Variants in ADAM22 observed in about 807,000 individuals in gnomAD.
ADAM22 encodes ADAM metallopeptidase domain 22.
Under a neutral mutation model 144.6 loss-of-function variants are expected in ADAM22, and 65 were observed. That is an observed-to-expected ratio of 0.45 (90% CI 0.37 to 0.55). ADAM22 has a LOEUF of 0.55. Among genes scored for constraint, ADAM22 ranks in the 20% least tolerant of loss-of-function variants. ADAM22 has a pLI of 0.00. For missense variants in ADAM22, 974 were observed against 1,184.9 expected, an observed-to-expected ratio of 0.82 and a Z score of 2.61; for synonymous variants, 391 against 412.6, an observed-to-expected ratio of 0.95 and a Z score of 0.63.
rs773442914 is a variant in ADAM22, at chr7:88,125,647, G to C, written c.666G>C (p.Arg222Ser). The C allele has an allele frequency of 1.1e-5, 17 of 1,591,902 alleles. No homozygotes were observed. Among genetic ancestry groups the C allele is most frequent in the Non-Finnish European group, 1.5e-5 (17 of 1,170,930 alleles). ...SKFILKPRPK[R>S]SKRQLRRYPR... ...TTATTTTGAAGCCAAGACCAAAAAG[G>C]AGTAAACGGCAGGTATGTATTCACA... Residue 222 changes from arginine (R) to serine (S), a missense_variant, in exon 8 of 32, where the codon AGG becomes AGC. Arg to Ser is a moderately radical substitution (Grantham distance 110). Around this residue, in one of 2 missense-constraint regions of ADAM22, gnomAD observed 734 missense variants for 950.6 expected, o/e 0.77. Coordinates refer to ENST00000413139, the MANE Select transcript of ADAM22 (RefSeq NM_001324418.2).
intron 4 of ADAM22, among the ~76,000 whole-genome samples, chr7:88,078,034 C>T (rs1815181386): frequency 6.6e-6 from 1 of 152,218 alleles, no homozygotes; most frequent in East Asian, 1.9e-4. Flanking sequence ...TGAGAACGGG[C>T]AGAATGCCTC....
intron 4 of ADAM22, among the ~76,000 whole-genome samples, chr7:88,088,510 G>A (rs1477575892): frequency 2.0e-4 from 29 of 146,308 alleles, no homozygotes; most frequent in South Asian, 2.2e-4. Flanking sequence ...TCAATGACAG[G>A]AAAAAAAAAA....
intron 2 of ADAM22, among the ~76,000 whole-genome samples, chr7:87,972,791 T>C (rs1377465111): frequency 6.6e-6 from 1 of 152,118 alleles, no homozygotes; most frequent in East Asian, 1.9e-4. Flanking sequence ...TAACACCGCA[T>C]ATCTACAACT....
chr7:87,956,543 A>G (rs1290914456), intron 2 of ADAM22, among the ~76,000 whole-genome samples: 2 of 152,180 alleles, frequency 1.3e-5, no homozygotes, highest in Non-Finnish European at 1.5e-5. Context: ...AGCGATCACC[A>G]CTGTCAATTT....
At position 88,162,998 on chromosome 7, in the gene ADAM22, C is replaced by A. The variant is rs1167024446; in HGVS notation, c.1908-14C>A. On this transcript the variant is annotated splice_polypyrimidine_tract_variant and intron_variant, in intron 22 of 31. Coordinates refer to ENST00000413139, the MANE Select transcript of ADAM22 (RefSeq NM_001324418.2). ...AATTAATAGATTCATTTTTTGCTCT[C>A]AATTTGTTTTTAGTGGTGGGCATGT... The A allele has an allele frequency of 1.3e-6, 2 of 1,598,666 alleles. No homozygotes were observed. The highest frequency in any genetic ancestry group is 1.7e-6 in the Non-Finnish European group (2 of 1,175,170).
chr7:88,091,979 T>A (rs1318801307), intron 4 of ADAM22, among the ~76,000 whole-genome samples: 2 of 151,884 alleles, frequency 1.3e-5, no homozygotes, highest in African/African-American at 2.4e-5. Context: ...AAAAACTATT[T>A]CATTTTGGAG....
chr7:87,988,869 C>T (rs919220557), intron 3 of ADAM22, among the ~76,000 whole-genome samples: 1 of 152,248 alleles, frequency 6.6e-6, no homozygotes, highest in Admixed American at 6.5e-5. Flanking sequence ...GGCAACTTCC[C>T]TTTAGTCTTA....
At chr7:88,116,959 G>T in intron 7 of ADAM22, 145 bp downstream of exon 7, 1 of 588,028 alleles carries the variant, frequency 1.7e-6, no homozygotes. Context: ...ACGTCAAGAG[G>T]GAGAATAAAA....
At chr7:88,042,501 T>G (rs1224267868) in intron 3 of ADAM22, among the ~76,000 whole-genome samples, 1 of 152,100 alleles carries the variant, frequency 6.6e-6, no homozygotes, top group African/African-American at 2.4e-5. Context: ...ATCTTTTGTA[T>G]ATTTATTCAT....
chr7:88,074,541 G>C (rs1813696097), intron 3 of ADAM22, among the ~76,000 whole-genome samples: 1 of 152,172 alleles, frequency 6.6e-6, no homozygotes, highest in Admixed American at 6.5e-5. Context: ...TAAATGTCCT[G>C]ATTGTTTAAT....
At chr7:87,974,905 C>T (rs1409751781) in intron 2 of ADAM22, among the ~76,000 whole-genome samples, 1 of 152,144 alleles carries the variant, frequency 6.6e-6, no homozygotes, top group Non-Finnish European at 1.5e-5. Flanking sequence ...CTGATCTCTA[C>T]TTCCACCATC....
chr7:88,188,866 T>C (rs1008169135), intron 30 of ADAM22, among the ~76,000 whole-genome samples: 9 of 152,204 alleles, frequency 5.9e-5, no homozygotes, highest in African/African-American at 2.2e-4. Context: ...GGTCACCTTA[T>C]TGTTTTTTGT....
At chr7:88,085,435 G>A (rs1818189033) in intron 4 of ADAM22, among the ~76,000 whole-genome samples, 1 of 152,132 alleles carries the variant, frequency 6.6e-6, no homozygotes, top group Admixed American at 6.5e-5. Flanking sequence ...TTTTAAAAAA[G>A]AGCTGGATGC....
rs762496835 is a variant in ADAM22 at position 87,934,547 on chromosome 7, G to A, written c.82G>A (p.Ala28Thr). The A allele has an allele frequency of 1.1e-5, 17 of 1,607,104 alleles. No individual in the cohort carries two copies. Among genetic ancestry groups the A allele is most frequent in the Non-Finnish European group, 1.4e-5 (17 of 1,179,274 alleles). ...CTGCCCTCCGGCGCGCTGCGGCCAG[G>A]CAGGTAAGTTAGCCGTCCTCTGTGC... ...GTCPPARCGQ[A>T]GDASLMELEK... Residue 28 changes from alanine to threonine, a missense_variant, in exon 1 of 32, where the codon GCA becomes ACA. Physicochemically the swap from Ala to Thr is moderately conservative, Grantham distance 58. Transcript: ENST00000413139.
intron 3 of ADAM22, among the ~76,000 whole-genome samples, chr7:88,008,124 A>T (rs1356422037): frequency 6.6e-6 from 1 of 152,088 alleles, no homozygotes; most frequent in Non-Finnish European, 1.5e-5. Flanking sequence ...GAAGACATTT[A>T]TGCAGCCAAA....
chr7:88,025,593 A>T (rs1798832195), intron 3 of ADAM22, among the ~76,000 whole-genome samples: 1 of 152,178 alleles, frequency 6.6e-6, no homozygotes, highest in Admixed American at 6.5e-5. Context: ...ATGGATATCC[A>T]GTTTTCCCAG....
intron 30 of ADAM22, among the ~76,000 whole-genome samples, chr7:88,192,370 T>C (rs974902342): frequency 2.6e-5 from 4 of 152,224 alleles, no homozygotes; most frequent in Non-Finnish European, 1.5e-5. Flanking sequence ...TAGCAATAGA[T>C]AGGGGCTTGT....
chr7:88,104,841 T>C (rs549678449), intron 4 of ADAM22, among the ~76,000 whole-genome samples: 32 of 152,264 alleles, frequency 2.1e-4, no homozygotes, highest in African/African-American at 6.5e-4. Flanking sequence ...TGAAGTGTCA[T>C]GGAAACATTT....
intron 13 of ADAM22, among the ~76,000 whole-genome samples, chr7:88,135,537 C>T (rs2129504348): frequency 6.6e-6 from 1 of 152,148 alleles, no homozygotes; most frequent in East Asian, 1.9e-4. Flanking sequence ...AACCCTTCTG[C>T]CTAACCAATA....
Sources: allele counts gnomAD v4.1 joint callset (sites outside exome capture counted in the v4.1 genomes callset), GRCh38; gene constraint gnomAD v4.1.1; regional missense constraint gnomAD v4.1.1; transcripts MANE v1.5; gene names NCBI Gene and HGNC (gene_info 2026-07-23, HGNC 2026-07-21).